VCL: variants seen among roughly 807,000 people sequenced by gnomAD.
The protein encoded by VCL is epididymis luminal protein 114.
Under a neutral mutation model 125.7 loss-of-function variants are expected in VCL, and 47 were observed. That is an observed-to-expected ratio of 0.37 (90% CI 0.30 to 0.48). The LOEUF (loss-of-function observed/expected upper bound fraction) is 0.48, where lower values mean the gene tolerates loss of function less well. VCL is among the 20% of genes least tolerant of loss of function. The probability of loss-of-function intolerance (pLI) is 0.99; values close to 1 mark genes in which losing one functional copy is unlikely to be tolerated. For missense variants in VCL, 1,069 were observed against 1,455.5 expected, an observed-to-expected ratio of 0.73 and a Z score of 4.32; for synonymous variants, 458 against 514.6, an observed-to-expected ratio of 0.89 and a Z score of 1.49.
At chr10:74,086,267 T>C (rs1245356863) in intron 8 of VCL, among the ~76,000 whole-genome samples, 3 of 152,238 alleles carry the variant, frequency 2.0e-5, no homozygotes, top group Non-Finnish European at 2.9e-5. Flanking sequence ...AAGATGCATA[T>C]AAACATGCCC....
chr10:74,001,577 A>C (rs148389242), intron 1 of VCL, among the ~76,000 whole-genome samples: 3 of 152,292 alleles, frequency 2.0e-5, no homozygotes, highest in Non-Finnish European at 4.4e-5. Flanking sequence ...AAGCTTTTAA[A>C]ATTGGTTGGT....
intron 2 of VCL, among the ~76,000 whole-genome samples, chr10:74,058,898 T>TGTGTGTGTGTGC (rs1373342212): frequency 1.3e-5 from 2 of 151,876 alleles, no homozygotes; most frequent in Non-Finnish European, 2.9e-5. Context: ...AGGGTGTGTG[T>TGTGTGTGTGTGC]GTGTGTGTGC....
intron 6 of VCL, among the ~76,000 whole-genome samples, chr10:74,080,955 T>C (rs1365055831): frequency 6.6e-6 from 1 of 152,200 alleles, no homozygotes; most frequent in African/African-American, 2.4e-5. Flanking sequence ...TAAGACATGA[T>C]AGGAGAGATT....
At chr10:74,022,273 C>T (rs888586529) in intron 1 of VCL, among the ~76,000 whole-genome samples, 5 of 152,052 alleles carry the variant, frequency 3.3e-5, no homozygotes, top group East Asian at 1.9e-4. Flanking sequence ...AGGCCAGGCA[C>T]GGTGGCTCAT....
Position 74,095,701 on chromosome 10 carries a change from C to G in VCL, c.1589C>G (p.Ala530Gly), listed in dbSNP as rs1591706374. 1 of 1,614,184 alleles carries G rather than the reference C, an allele frequency of 6.2e-7. No homozygotes were observed. The highest frequency in any genetic ancestry group is 8.5e-7 in the Non-Finnish European group (1 of 1,180,038). The change falls in exon 12 of 22, where the codon GCT (alanine) becomes GGT (glycine). Residue 530 changes from alanine to glycine, a missense_variant. Ala to Gly is a moderately conservative substitution (Grantham distance 60). Transcript: ENST00000211998. ...CTTGTGGCCGAAGGGCATCGTCTGGCTAATGTTATGATGGGGCCTTATCGG... is the reference window on the plus strand; with the variant it reads ...CTTGTGGCCGAAGGGCATCGTCTGGGTAATGTTATGATGGGGCCTTATCGG... ...RGLVAEGHRL[A>G]NVMMGPYRQD... is the part of the protein sequence containing the mutation.
chr10:74,025,506 C>T (rs556261388), intron 1 of VCL, among the ~76,000 whole-genome samples: 226 of 151,342 alleles, frequency 1.5e-3, no homozygotes, highest in African/African-American at 5.0e-3. Flanking sequence ...TCCAGCTACT[C>T]GGGAGGCTGA....
intron 1 of VCL, among the ~76,000 whole-genome samples, chr10:74,001,819 T>C (rs1034692510): frequency 1.3e-5 from 2 of 152,202 alleles, no homozygotes; most frequent in African/African-American, 4.8e-5. Context: ...GGTTATATCC[T>C]TATTCTAGTG....
intron 2 of VCL, among the ~76,000 whole-genome samples, chr10:74,048,350 C>G (rs1841231770): frequency 6.6e-6 from 1 of 151,964 alleles, no homozygotes; most frequent in Non-Finnish European, 1.5e-5. Context: ...TACCTGTAAT[C>G]CCAGCTACTT....
intron 1 of VCL, among the ~76,000 whole-genome samples, chr10:74,028,413 T>TTTTTTTTG (rs1840813373): frequency 6.7e-6 from 1 of 149,534 alleles, no homozygotes; most frequent in Non-Finnish European, 1.5e-5. Flanking sequence ...TTTTTTTTTT[T>TTTTTTTTG]GAGACAGGGT....
At position 74,114,315 on chromosome 10, in the gene VCL, T is replaced by C. The variant is rs1296100591; in HGVS notation, c.3081T>C (p.Asp1027=). ...QCAKDIAKAS[D]EVTRLAKEVA... is the part of the protein sequence containing the mutation. ...CCAAGGACATCGCCAAGGCCTCAGA[T>C]GAGGTGACTCGGTTGGCCAAGGAGG... The change falls in exon 20 of 22, where the codon GAT becomes GAC. Residue 1027 remains aspartate (D), a synonymous_variant. Transcript: ENST00000211998. The C allele has an allele frequency of 1.2e-6, 2 of 1,613,826 alleles. No individual in the cohort carries two copies. The highest frequency in any genetic ancestry group is 4.5e-5 in the East Asian group (2 of 44,868).
At chr10:74,083,794 A>G (rs1031704253) in intron 8 of VCL, among the ~76,000 whole-genome samples, 1 of 150,872 alleles carries the variant, frequency 6.6e-6, no homozygotes, top group African/African-American at 2.4e-5. Flanking sequence ...CAGGTTCAAG[A>G]GATTCTCCTG....
chr10:74,043,982 G>T (rs922398884), intron 2 of VCL, among the ~76,000 whole-genome samples: 2 of 151,890 alleles, frequency 1.3e-5, no homozygotes, highest in African/African-American at 4.8e-5. Context: ...GTGGTGGCGG[G>T]TGCCTGTAGT....
chr10:74,057,208 G>A (rs1841403876), intron 2 of VCL, among the ~76,000 whole-genome samples: 1 of 151,902 alleles, frequency 6.6e-6, no homozygotes, highest in Admixed American at 6.6e-5. Flanking sequence ...GCCTCCCAAA[G>A]CGCTGGGATT....
chr10:74,007,490 T>A (rs540632483), intron 1 of VCL, among the ~76,000 whole-genome samples: 1 of 152,250 alleles, frequency 6.6e-6, no homozygotes, highest in African/African-American at 2.4e-5. Context: ...CTCCGGGTTA[T>A]AGGTATGCAA....
intron 12 of VCL, among the ~76,000 whole-genome samples, chr10:74,096,835 G>A (rs1301683786): frequency 6.6e-6 from 1 of 152,226 alleles, no homozygotes. Flanking sequence ...ATCGTTATCA[G>A]GCCCCGCCAG....
At chr10:74,032,708 AAAT>A (rs201254748) in intron 1 of VCL, among the ~76,000 whole-genome samples, 4,796 of 87,488 alleles carry the variant, frequency 0.055, 213 homozygotes, top group African/African-American at 0.18. Context: ...TCAAAAAAAA[AAAT>A]ATATATATAT....
At chr10:73,998,815 G>C (rs1840168544) in intron 1 of VCL, among the ~76,000 whole-genome samples, 1 of 152,198 alleles carries the variant, frequency 6.6e-6, no homozygotes, top group African/African-American at 2.4e-5. Flanking sequence ...GGGAGGGAGA[G>C]CGGGCCTTCC....
At chr10:74,021,908 C>A (rs190801174) in intron 1 of VCL, among the ~76,000 whole-genome samples, 1 of 151,992 alleles carries the variant, frequency 6.6e-6, no homozygotes, top group East Asian at 1.9e-4. Flanking sequence ...TCAAAGCAAC[C>A]AGTCTGGATT....
intron 1 of VCL, among the ~76,000 whole-genome samples, chr10:74,020,931 G>A (rs990178550): frequency 1.3e-5 from 2 of 151,028 alleles, no homozygotes; most frequent in African/African-American, 4.9e-5. Context: ...TACTAAAATG[G>A]TGGCGGGATT....
Sources: allele counts gnomAD v4.1 joint callset (sites outside exome capture counted in the v4.1 genomes callset), GRCh38; gene constraint gnomAD v4.1.1; transcripts MANE v1.5; gene names NCBI Gene and HGNC (gene_info 2026-07-23, HGNC 2026-07-21).